SLC26A9: variants seen among roughly 807,000 people sequenced by gnomAD.
SLC26A9 encodes solute carrier family 26 member 9, also known as anion transporter/exchanger protein 9.
Under a neutral mutation model 87.1 loss-of-function variants are expected in SLC26A9, and 46 were observed. The observed-to-expected ratio is 0.53, with a 90% CI of 0.42 to 0.67. The LOEUF is 0.67. SLC26A9 is among the 30% of genes least tolerant of loss of function. SLC26A9 has a pLI of 0.00. For missense variants in SLC26A9, 927 were observed against 1,018.3 expected, an observed-to-expected ratio of 0.91 and a Z score of 1.22; for synonymous variants, 437 against 409.1, an observed-to-expected ratio of 1.07 and a Z score of -0.82.
intron 18 of SLC26A9, among the ~76,000 whole-genome samples, chr1:205,919,372 A>G (rs1658726811): frequency 6.6e-6 from 1 of 152,056 alleles, no homozygotes; most frequent in Non-Finnish European, 1.5e-5. Flanking sequence ...GTTTGTGTGG[A>G]TTACTCTTAA....
rs12217076 is a variant in SLC26A9, at chr1:205,926,982, T to C, written c.1293+229A>G. 5.1e-3 allele frequency among the ~76,000 whole-genome samples: 781 copies of C among 152,334 alleles called. 20 individuals are homozygous for C. The highest frequency in any genetic ancestry group is 0.05 in the East Asian group (258 of 5,178). Reference sequence around the variant, plus strand: ...GAAGGCTGGAGTTTGGGACCAGCCCTGCGCTGTAAGCTGCCTCACTATGGA... The same window carrying C: ...GAAGGCTGGAGTTTGGGACCAGCCCCGCGCTGTAAGCTGCCTCACTATGGA... On this transcript the variant is annotated intron_variant, in intron 11 of 20. Transcript: ENST00000367135.
At chr1:205,917,476 T>A in intron 19 of SLC26A9, 122 bp from the exon 20 acceptor site, 1 of 909,248 alleles carries the variant, frequency 1.1e-6, no homozygotes, top group Non-Finnish European at 1.8e-6. Flanking sequence ...GACACATGAC[T>A]TATCCTCTTG....
At chr1:205,924,605 C>CT (rs540015689) in intron 12 of SLC26A9, 116 bp from the exon 13 acceptor site, 50 of 769,216 alleles carry the variant, frequency 6.5e-5, no homozygotes, top group Non-Finnish European at 9.2e-5. Context: ...CCTCTCTTCT[C>CT]TTTTTTTTCT....
In SLC26A9 at chr1:205,932,757, G is replaced by T. The variant is rs777792194; in HGVS notation, c.321C>A (p.Ser107=). The change falls in exon 4 of 21, where the codon TCC becomes TCA. Residue 107 remains serine (S), a synonymous_variant. Coordinates refer to ENST00000367135, the MANE Select transcript of SLC26A9 (RefSeq NM_052934.4). ...AGAAGTAGGTCAGGAGGGGGAAGAA[G>T]GAGGAGTAGAGGCCATTGACTGCAG... The part of the protein sequence containing the change: ...NLPAVNGLYS[S]FFPLLTYFFL... The T allele has an allele frequency of 1.3e-6, 2 of 1,599,940 alleles. No homozygotes were observed. The highest frequency in any genetic ancestry group is 1.1e-5 in the South Asian group (1 of 87,846).
rs566127642 is a variant in SLC26A9 at position 205,932,944 on chromosome 1, C to T, written c.265+1G>A. ...AGGCCTGGCTGAAGGAGCCCCTTCA[C>T]CTTGTGGGACCTGGATGGATCCCCC... On this transcript the variant is annotated splice_donor_variant, in intron 3 of 20. Coordinates refer to ENST00000367135, the MANE Select transcript of SLC26A9 (RefSeq NM_052934.4). LOFTEE classifies it high-confidence loss of function. 2 of 1,613,932 alleles carry T rather than the reference C, an allele frequency of 1.2e-6. No individual in the cohort carries two copies. Among genetic ancestry groups the T allele is most frequent in the South Asian group, 2.2e-5 (2 of 91,024 alleles).
At chr1:205,915,518 C>CTG (rs113527464) in intron 20 of SLC26A9, 114 bp from the exon 21 acceptor site, 145,421 of 860,040 alleles carry the variant, frequency 0.17, 3,861 homozygotes, top group African/African-American at 0.21. Context: ...AACAAAGCAC[C>CTG]TGTGTGTGTG....
In SLC26A9 at chr1:205,929,897, C is replaced by A. The variant is rs538145477; in HGVS notation, c.712G>T (p.Val238Phe). ...IPSYTGPGSI[V>F]FTFIDICKNL... ...GGGTGCATCCCCAGACTCACAAAGA[C>A]GATGGACCCTGGGCCTGTGTAGGAG... The change falls in exon 6 of 21, where the codon GTC becomes TTC. Residue 238 changes from valine to phenylalanine, a missense_variant. Transcript: ENST00000367135. 1.3e-6 allele frequency: 2 copies of A among 1,591,502 alleles called. No homozygotes were observed. The highest frequency in any genetic ancestry group is 1.7e-6 in the Non-Finnish European group (2 of 1,162,064).
intron 1 of SLC26A9, among the ~76,000 whole-genome samples, chr1:205,939,105 A>T (rs1299131109): frequency 6.6e-6 from 1 of 152,192 alleles, no homozygotes; most frequent in African/African-American, 2.4e-5. Context: ...AGGCTCTGGG[A>T]GCTTTCACAA....
chr1:205,916,716 G>T lies in SLC26A9; in HGVS notation c.2328+567C>A, dbSNP rs565292435. On this transcript the variant is annotated intron_variant, in intron 20 of 20. Coordinates refer to ENST00000367135, the MANE Select transcript of SLC26A9 (RefSeq NM_052934.4). ...GTGGCTTGCTCAGGGTCACGTGGGT[G>T]ATGTGTTGGAGAATAAGAATAGATA... 2.0e-5 allele frequency among the ~76,000 whole-genome samples: 3 copies of T among 152,222 alleles called. No homozygotes were observed. The East Asian group carries it at 5.8e-4, about 29-fold the overall frequency.
chr1:205,917,089 T>C (rs565630906), intron 20 of SLC26A9, among the ~76,000 whole-genome samples, 194 bp downstream of exon 20: 1 of 140,160 alleles, frequency 7.1e-6, no homozygotes, highest in Admixed American at 7.1e-5. Flanking sequence ...TGAGACTTTG[T>C]CTCAAATTAA....
chr1:205,943,185 C>G (rs1284827833), intron 1 of SLC26A9, among the ~76,000 whole-genome samples, 180 bp downstream of exon 1: 2 of 152,204 alleles, frequency 1.3e-5, no homozygotes, highest in African/African-American at 4.8e-5. Context: ...ACCCAAAGGG[C>G]TCCTCAGAGG....
chr1:205,919,279 C>A (rs1222728036), intron 18 of SLC26A9, among the ~76,000 whole-genome samples: 1 of 152,194 alleles, frequency 6.6e-6, no homozygotes, highest in Non-Finnish European at 1.5e-5. Context: ...GAAGAGGCCG[C>A]TGCCAGTTCT....
At chr1:205,918,773 T>C in intron 19 of SLC26A9, 67 bp downstream of exon 19, 2 of 1,543,770 alleles carry the variant, frequency 1.3e-6, no homozygotes, top group Middle Eastern at 2.0e-4. Flanking sequence ...TTCTTTCTAA[T>C]AATGCCTCTT....
intron 18 of SLC26A9, 126 bp downstream of exon 18, chr1:205,920,050 A>G: frequency 9.8e-7 from 1 of 1,019,634 alleles, no homozygotes. Context: ...ATGAGCAGGC[A>G]GCAGCTTGTG....
chr1:205,938,024 G>A (rs1411763497), intron 1 of SLC26A9, among the ~76,000 whole-genome samples: 2 of 152,120 alleles, frequency 1.3e-5, no homozygotes, highest in Non-Finnish European at 2.9e-5. Flanking sequence ...TTCCTAGGCT[G>A]CTTTCAAAGG....
intron 10 of SLC26A9, 85 bp downstream of exon 10, chr1:205,927,407 G>A: frequency 6.5e-7 from 1 of 1,541,400 alleles, no homozygotes; most frequent in Non-Finnish European, 8.9e-7. Flanking sequence ...TCGGAGAAGA[G>A]CTGGCCTGGC....
intron 1 of SLC26A9, among the ~76,000 whole-genome samples, chr1:205,938,513 C>A (rs1659611036): frequency 6.6e-6 from 1 of 151,990 alleles, no homozygotes; most frequent in South Asian, 2.1e-4. Flanking sequence ...TTTTTTTATC[C>A]TCTGGCCTTG....
intron 1 of SLC26A9, among the ~76,000 whole-genome samples, chr1:205,940,400 AGGCAGAGATGGGCTTG>A (rs1163490247): frequency 6.7e-6 from 1 of 150,092 alleles, no homozygotes; most frequent in African/African-American, 2.4e-5. Context: ...CAAATATTGT[AGGCAGAGATGGGCTTG>A]GGCAGAGATG....
intron 1 of SLC26A9, among the ~76,000 whole-genome samples, chr1:205,938,663 C>T (rs768937225): frequency 2.6e-5 from 4 of 152,192 alleles, no homozygotes; most frequent in Non-Finnish European, 4.4e-5. Flanking sequence ...TTCTGCCTTT[C>T]TAGATCTGCC....
Sources: allele counts gnomAD v4.1 joint callset (sites outside exome capture counted in the v4.1 genomes callset), GRCh38; gene constraint gnomAD v4.1.1; transcripts MANE v1.5; gene names NCBI Gene and HGNC (gene_info 2026-07-23, HGNC 2026-07-21).